The following THADA variants were observed in gnomAD, a reference collection of about 807,000 sequenced individuals.
THADA encodes tRNA (32-2'-O)-methyltransferase regulator THADA.
In THADA, 213 loss-of-function variants were observed where a neutral mutation model predicts 219.8. That is an observed-to-expected ratio of 0.97 (90% confidence interval 0.87 to 1.09). THADA has a LOEUF of 1.09. Among genes scored for constraint, THADA ranks in the 50% least tolerant of loss-of-function variants. The pLI, the probability that THADA is intolerant of heterozygous loss-of-function variation, is 0.00. For synonymous variants in THADA, 1,018 were observed against 828.9 expected, an observed-to-expected ratio of 1.23 and a Z score of -3.92; for missense variants, 2,956 against 2,311.3, an observed-to-expected ratio of 1.28 and a Z score of -5.72.
At chr2:43,392,409 C>G (rs1033773178) in intron 29 of THADA, among the ~76,000 whole-genome samples, 54 of 152,244 alleles carry the variant, frequency 3.5e-4, no homozygotes, top group African/African-American at 1.3e-3. Context: ...ACCTCTATCA[C>G]TGATTTTCTA....
At chr2:43,457,011 G>A (rs1420283672) in intron 26 of THADA, among the ~76,000 whole-genome samples, 3 of 152,068 alleles carry the variant, frequency 2.0e-5, no homozygotes, top group African/African-American at 7.2e-5. Flanking sequence ...TACTTTGAAG[G>A]AATCAAACAC....
intron 30 of THADA, among the ~76,000 whole-genome samples, chr2:43,339,599 C>A (rs75815718): frequency 0.059 from 8,949 of 152,236 alleles, 349 homozygotes; most frequent in South Asian, 0.17. Context: ...CCATTTAGTT[C>A]ACTAAGTTTA....
intron 21 of THADA, among the ~76,000 whole-genome samples, chr2:43,537,338 C>T (rs1172395403): frequency 3.3e-5 from 5 of 152,168 alleles, no homozygotes; most frequent in Non-Finnish European, 5.9e-5. Context: ...AGCCCTTTGA[C>T]GTCACAGAAC....
chr2:43,330,940 T>A (rs1322067270), intron 30 of THADA, among the ~76,000 whole-genome samples: 12 of 152,176 alleles, frequency 7.9e-5, no homozygotes, highest in Admixed American at 7.9e-4. Flanking sequence ...TAGGAAGAAG[T>A]CGCCTGCCCC....
At chr2:43,277,493 C>T (rs1440054351) in intron 36 of THADA, among the ~76,000 whole-genome samples, 2 of 152,198 alleles carry the variant, frequency 1.3e-5, no homozygotes, top group South Asian at 2.1e-4. Context: ...CAGACCCTTT[C>T]CAGAGAGACC....
intron 22 of THADA, among the ~76,000 whole-genome samples, chr2:43,518,297 A>G (rs1691986855): frequency 6.6e-6 from 1 of 152,218 alleles, no homozygotes. Context: ...ACTAGAAAAG[A>G]AAGTACAAAC....
intron 29 of THADA, among the ~76,000 whole-genome samples, chr2:43,359,370 C>T (rs1036193150): frequency 6.6e-6 from 1 of 152,144 alleles, no homozygotes; most frequent in African/African-American, 2.4e-5. Flanking sequence ...TCCTCGGATC[C>T]CTGAGAGTCA....
chr2:43,429,176 C>G (rs1391201224), intron 27 of THADA, among the ~76,000 whole-genome samples: 14 of 150,178 alleles, frequency 9.3e-5, no homozygotes, highest in Non-Finnish European at 1.6e-4. Flanking sequence ...GGCAAGATCT[C>G]AGCTCACTGC....
chr2:43,232,965 A>G, intron 36 of THADA, 83 bp from the exon 37 acceptor site: 1 of 1,440,036 alleles, frequency 6.9e-7, no homozygotes, highest in South Asian at 1.3e-5. Context: ...TGGGAACAAT[A>G]AAGGCCTCAG....
chr2:43,287,048 A>G lies in THADA; in HGVS notation c.5024T>C (p.Ile1675Thr), dbSNP rs1035671562. 4 of 1,612,884 alleles carry G rather than the reference A, an allele frequency of 2.5e-6. No individual in the cohort carries two copies. The African/African-American group carries it at 4.0e-5, about 16-fold the overall frequency. The change falls in exon 35 of 38, where the codon ATA becomes ACA. Residue 1675 changes from isoleucine to threonine, a missense_variant. By Grantham distance (89) the Ile-to-Thr change is moderately conservative. Coordinates refer to ENST00000405975, the MANE Select transcript of THADA (RefSeq NM_022065.5). ...MQTCVENREL[I>T]AAELKQWVQL... ...AACCCACTGCTTCAGCTCAGCAGCT[A>G]TCAATTCCCTGTTCTAAAAGCACAA...
chr2:43,363,170 T>C (rs1226344996), intron 29 of THADA, among the ~76,000 whole-genome samples: 3 of 152,232 alleles, frequency 2.0e-5, no homozygotes, highest in Non-Finnish European at 4.4e-5. Flanking sequence ...AGTAAATACA[T>C]AAACCAGGAA....
chr2:43,506,135 A>C (rs1377777243), intron 23 of THADA, among the ~76,000 whole-genome samples: 1 of 152,216 alleles, frequency 6.6e-6, no homozygotes, highest in African/African-American at 2.4e-5. Context: ...AAAGCAAAAA[A>C]TCTCTGGATT....
Position 43,570,436 on chromosome 2 carries a change from C to A in THADA, c.2139G>T (p.Glu713Asp), listed in dbSNP as rs760854371. 6.8e-6 allele frequency: 11 copies of A among 1,613,640 alleles called. No homozygotes were observed. In the South Asian group the frequency reaches 1.1e-4, roughly 16 times the overall value. ...LEQSKSKREP[E>D]NELTKQHPSV... is the part of the protein sequence containing the mutation. Reference sequence around the variant, plus strand: ...AAGGGTGCTGTTTGGTTAACTCATTCTCTGGTTCACGTTTGGATTTACTCT... The same window carrying A: ...AAGGGTGCTGTTTGGTTAACTCATTATCTGGTTCACGTTTGGATTTACTCT... Residue 713 changes from glutamate to aspartate, a missense_variant, in exon 14 of 38, where the codon GAG (glutamate) becomes GAT (aspartate). Coordinates refer to ENST00000405975, the MANE Select transcript of THADA (RefSeq NM_022065.5).
chr2:43,521,458 A>C (rs1692472167), intron 22 of THADA, among the ~76,000 whole-genome samples: 1 of 152,192 alleles, frequency 6.6e-6, no homozygotes, highest in Non-Finnish European at 1.5e-5. Flanking sequence ...CGGGAGGCTG[A>C]GGTGGGAGAT....
In THADA at chr2:43,331,122, A is replaced by G. The variant is rs551777815; in HGVS notation, c.4344-10582T>C. 2.0e-5 allele frequency among the ~76,000 whole-genome samples: 3 copies of G among 152,200 alleles called. No individual in the cohort carries two copies. In the East Asian group the frequency reaches 5.8e-4, roughly 29 times the overall value. ...AGACCATATTGAAACCATCTCTACT[A>G]TTTTCAATATCTTGAATTTCCACAT... On this transcript the variant is annotated intron_variant, in intron 30 of 37. Transcript: ENST00000405975.
intron 29 of THADA, among the ~76,000 whole-genome samples, chr2:43,361,551 C>A (rs1669527438): frequency 6.6e-6 from 1 of 152,188 alleles, no homozygotes; most frequent in Non-Finnish European, 1.5e-5. Flanking sequence ...TTTCTTGACT[C>A]CTCTGTGCTT....
intron 31 of THADA, 41 bp downstream of exon 31, chr2:43,320,405 T>G (rs542246354): frequency 4.0e-5 from 59 of 1,490,204 alleles, no homozygotes; most frequent in East Asian, 2.7e-4. Flanking sequence ...ATTTCAAAGA[T>G]GTGTAACGAT....
intron 21 of THADA, 85 bp from the exon 22 acceptor site, chr2:43,528,073 G>A: frequency 1.2e-6 from 1 of 838,960 alleles, no homozygotes; most frequent in Admixed American, 2.1e-5. Flanking sequence ...TTAGAACCCA[G>A]GTCTAGGGGT....
At chr2:43,367,897 T>C (rs759140173) in intron 29 of THADA, among the ~76,000 whole-genome samples, 4 of 152,104 alleles carry the variant, frequency 2.6e-5, no homozygotes, top group Non-Finnish European at 5.9e-5. Context: ...GGTGGGTGGA[T>C]CACGAGGTCA....
Sources: gnomAD v4.1 joint callset for allele counts (sites outside exome capture counted in the v4.1 genomes callset) on GRCh38, gnomAD v4.1.1 for gene constraint, MANE v1.5 for transcripts, NCBI Gene and HGNC (gene_info 2026-07-23, HGNC 2026-07-21) for gene names.